Variants in BST1 observed in about 807,000 individuals in gnomAD.
BST1 encodes ADP-ribosyl cyclase/cyclic ADP-ribose hydrolase 2.
BST1 carries 49 observed loss-of-function variants against 40.6 expected under a neutral mutation model. That is an observed-to-expected ratio of 1.21 (90% CI 0.96 to 1.53). BST1 has a LOEUF of 1.53. Ranked by LOEUF, BST1 falls within the 40% of genes most tolerant of loss-of-function variation. The pLI is 0.00. For missense variants in BST1, 423 were observed against 395.9 expected, an observed-to-expected ratio of 1.07 and a Z score of -0.58; for synonymous variants, 157 against 159.3, an observed-to-expected ratio of 0.99 and a Z score of 0.11.
At chr4:15,748,881 TTC>T in the BST1 span, among the ~76,000 whole-genome samples, 2 of 152,224 alleles carry the variant, frequency 1.3e-5, no homozygotes, top group Admixed American at 1.3e-4. Flanking sequence ...GTGCATCTCT[TTC>T]TCTTTCTTCC....
At chr4:15,768,534 C>T in the BST1 span, among the ~76,000 whole-genome samples, 5 of 146,390 alleles carry the variant, frequency 3.4e-5, no homozygotes, top group South Asian at 4.3e-4. Flanking sequence ...TCACCCAGGC[C>T]GGACTGCGGA....
chr4:15,730,168 A>G (rs1227673819), intron 8 of BST1, among the ~76,000 whole-genome samples: 1 of 152,242 alleles, frequency 6.6e-6, no homozygotes, highest in South Asian at 2.1e-4. Flanking sequence ...AGAGAGGACC[A>G]GCATTCAAAT....
At chr4:15,750,244 C>T in the BST1 span, among the ~76,000 whole-genome samples, 2 of 152,106 alleles carry the variant, frequency 1.3e-5, no homozygotes, top group African/African-American at 4.8e-5. Flanking sequence ...AGGCTAGTCT[C>T]AAACTCCTGA....
chr4:15,735,680 G>A (rs1019436133), downstream of BST1, among the ~76,000 whole-genome samples: 4 of 152,170 alleles, frequency 2.6e-5, no homozygotes, highest in East Asian at 1.9e-4. Flanking sequence ...TCTCAGGACC[G>A]TCTGGCTCCT....
chr4:15,766,249 T>C, the BST1 span, among the ~76,000 whole-genome samples: 1 of 151,890 alleles, frequency 6.6e-6, no homozygotes, highest in South Asian at 2.1e-4. Context: ...AATCCAGACA[T>C]GAAGGCCTGT....
At chr4:15,724,262 A>T (rs1720979701) in intron 8 of BST1, among the ~76,000 whole-genome samples, 2 of 152,248 alleles carry the variant, frequency 1.3e-5, no homozygotes, top group South Asian at 4.1e-4. Context: ...TAGGTGCACC[A>T]TCTATGCCTG....
downstream of BST1, among the ~76,000 whole-genome samples, chr4:15,741,990 C>T (rs1288977799): frequency 6.6e-6 from 1 of 152,128 alleles, no homozygotes; most frequent in Non-Finnish European, 1.5e-5. Context: ...CACCAACATA[C>T]AGTACAAACA....
the BST1 span, among the ~76,000 whole-genome samples, chr4:15,751,725 T>C: frequency 1.3e-5 from 2 of 151,970 alleles, no homozygotes; most frequent in Admixed American, 6.6e-5. Flanking sequence ...CATCCACATA[T>C]AGTATGCACA....
chr4:15,770,383 G>A, the BST1 span, among the ~76,000 whole-genome samples: 1 of 152,060 alleles, frequency 6.6e-6, no homozygotes, highest in Non-Finnish European at 1.5e-5. Flanking sequence ...GCCTGCTGTG[G>A]TGTCACTGTC....
the BST1 span, among the ~76,000 whole-genome samples, chr4:15,768,510 G>A: frequency 2.2e-5 from 3 of 135,998 alleles, no homozygotes; most frequent in African/African-American, 8.4e-5. Context: ...TTTTTGAGAC[G>A]GAGTCTCACT....
chr4:15,748,743 T>G, the BST1 span, among the ~76,000 whole-genome samples: 1 of 152,220 alleles, frequency 6.6e-6, no homozygotes, highest in African/African-American at 2.4e-5. Flanking sequence ...TGATAGTTGG[T>G]AGTTGATCTG....
chr4:15,711,770 C>A (rs1237174503), intron 3 of BST1, 37 bp from the exon 4 acceptor site: 10 of 1,481,802 alleles, frequency 6.7e-6, no homozygotes, highest in Non-Finnish European at 9.4e-6. Flanking sequence ...GATAGATAAT[C>A]TTTGGAATAA....
chr4:15,754,415 G>A, the BST1 span, among the ~76,000 whole-genome samples: 300 of 152,316 alleles, frequency 2.0e-3, 4 homozygotes, highest in African/African-American at 6.8e-3. Flanking sequence ...GCATGCACAT[G>A]TCTAAGATTG....
the BST1 span, among the ~76,000 whole-genome samples, chr4:15,771,402 G>A: frequency 0.062 from 9,370 of 152,250 alleles, 908 homozygotes; most frequent in African/African-American, 0.21. Flanking sequence ...AGTGTTAGAC[G>A]TTTGTAGCCA....
chr4:15,703,231 G>GGCGC lies in BST1; in HGVS notation c.95_98dup (p.Trp34AlafsTer43), dbSNP rs762463312. On this transcript the variant is annotated frameshift_variant, in exon 1 of 9. Coordinates refer to ENST00000265016, the MANE Select transcript of BST1 (RefSeq NM_004334.3). LOFTEE classifies it high-confidence loss of function. ...TACTGTTGCTGCTGGCGGCGGGCGG[G>GGCGC]GCGCGCGCGCGGTGGCGCGGGGAGG... The GGCGC allele has an allele frequency of 5.2e-6, 8 of 1,545,380 alleles. No individual in the cohort carries two copies. The South Asian group carries it at 9.5e-5, about 18-fold the overall frequency.
the BST1 span, among the ~76,000 whole-genome samples, chr4:15,767,922 C>T: frequency 4.6e-5 from 7 of 152,148 alleles, no homozygotes; most frequent in African/African-American, 1.7e-4. Context: ...TGCTCAGCCC[C>T]CTTGTAGTTT....
chr4:15,765,220 C>T, the BST1 span, among the ~76,000 whole-genome samples: 7 of 152,128 alleles, frequency 4.6e-5, no homozygotes, highest in Middle Eastern at 3.4e-3. Context: ...ACTTGGTAAA[C>T]GACAACTCCA....
chr4:15,754,062 G>A, the BST1 span, among the ~76,000 whole-genome samples: 1 of 152,198 alleles, frequency 6.6e-6, no homozygotes, highest in Admixed American at 6.5e-5. Context: ...GAGGCTGGAA[G>A]ATCTGGAAGG....
the BST1 span, among the ~76,000 whole-genome samples, chr4:15,771,880 T>A: frequency 3.9e-5 from 6 of 152,212 alleles, no homozygotes; most frequent in African/African-American, 1.4e-4. Flanking sequence ...ATTCTAGGGG[T>A]CATCTAAAAG....
Sources: allele counts gnomAD v4.1 joint callset (sites outside exome capture counted in the v4.1 genomes callset), GRCh38; gene constraint gnomAD v4.1.1; transcripts MANE v1.5; gene names NCBI Gene and HGNC (gene_info 2026-07-23, HGNC 2026-07-21).